Variants in GALNT2 observed in about 807,000 individuals in gnomAD.
The protein encoded by GALNT2 is UDP-GalNAc:polypeptide N-acetylgalactosaminyltransferase 2.
In GALNT2, 31 loss-of-function variants were observed where a neutral mutation model predicts 81.4. The observed-to-expected ratio is 0.38, with a 90% confidence interval of 0.29 to 0.51. The LOEUF (loss-of-function observed/expected upper bound fraction) is 0.51, where lower values mean the gene tolerates loss of function less well. Ranked by LOEUF, GALNT2 falls within the 20% of genes least tolerant of loss-of-function variation. GALNT2 has a pLI of 0.87. For missense variants in GALNT2, 629 were observed against 765.7 expected (o/e 0.82, Z 2.11); for synonymous variants, 303 against 287.4 (o/e 1.05, Z -0.55).
chr1:230,275,847 G>A lies in GALNT2; in HGVS notation c.1560+1283G>A, dbSNP rs1463453102. 2.7e-5 allele frequency among the ~76,000 whole-genome samples: 4 copies of A among 146,008 alleles called. No homozygotes were observed. The highest frequency in any genetic ancestry group is 6.0e-5 in the Non-Finnish European group (4 of 66,816). ...GCCACATATATACATGTATATACAT[G>A]CCACATAGATATACATATATAAATG... On this transcript the variant is annotated intron_variant, in intron 15 of 15. Transcript: ENST00000366672. This position sits in a 1 kb window ranked among gnomAD's most constrained non-coding sequence, Gnocchi z 5.5.
At chr1:230,236,188 T>C in intron 4 of GALNT2, 76 bp downstream of exon 4, 1 of 1,479,082 alleles carries the variant, frequency 6.8e-7, no homozygotes. Flanking sequence ...AGACCAGGGC[T>C]GTCAGTGGGG....
intron 2 of GALNT2, among the ~76,000 whole-genome samples, chr1:230,184,189 A>G (rs1012745734): frequency 7.9e-5 from 11 of 138,670 alleles, no homozygotes; most frequent in Non-Finnish European, 1.5e-4. Context: ...TTGAAGATCA[A>G]TCTTTTTTTT....
intron 1 of GALNT2, among the ~76,000 whole-genome samples, chr1:230,080,009 G>A (rs909126664): frequency 6.6e-6 from 1 of 152,184 alleles, no homozygotes; most frequent in Admixed American, 6.5e-5. Context: ...AGGGATAGAG[G>A]TAAAGTTTCC....
chr1:230,081,449 G>A (rs1434737654), intron 1 of GALNT2, among the ~76,000 whole-genome samples: 2 of 152,028 alleles, frequency 1.3e-5, no homozygotes, highest in Non-Finnish European at 2.9e-5. Context: ...TTGGCAATTG[G>A]ATTTTTCAAC....
chr1:230,174,810 C>T (rs1009277185), intron 1 of GALNT2, among the ~76,000 whole-genome samples: 24 of 152,270 alleles, frequency 1.6e-4, no homozygotes, highest in Admixed American at 1.2e-3. Context: ...ACTATCCTGC[C>T]GCTTCCGTGC....
Position 230,197,994 on chromosome 1 carries a change from G to A in GALNT2, c.221-5143G>A, listed in dbSNP as rs1012881897. Among the ~76,000 whole-genome samples, 9 of 152,204 alleles carry A rather than the reference G, an allele frequency of 5.9e-5. 1 individual carries two copies. Among genetic ancestry groups the A allele is most frequent in the African/African-American group, 2.2e-4 (9 of 41,452 alleles). The stretch of plus-strand genomic sequence containing the variant: ...AAATGCCTGCAAACGAGCGAAAGAG[G>A]CGTAGGAGTAAGCGTCCGGCGCAAG... On this transcript the variant is annotated intron_variant, in intron 2 of 15. Transcript: ENST00000366672.
intron 1 of GALNT2, among the ~76,000 whole-genome samples, chr1:230,167,652 T>C (rs1273884276): frequency 1.3e-5 from 2 of 152,178 alleles, no homozygotes; most frequent in African/African-American, 4.8e-5. Context: ...TGCGGGGATA[T>C]TGACATGGAG....
chr1:230,262,092 C>G (rs1281086289), intron 11 of GALNT2: 2 of 152,940 alleles, frequency 1.3e-5, no homozygotes, highest in African/African-American at 4.8e-5. Context: ...GAACTCTTAT[C>G]TTATGTAGTC....
At chr1:230,233,966 G>A (rs1335885078) in intron 3 of GALNT2, among the ~76,000 whole-genome samples, 2 of 152,118 alleles carry the variant, frequency 1.3e-5, no homozygotes, top group Non-Finnish European at 2.9e-5. Context: ...ACAGGGTCTC[G>A]GGGAGGTGGC....
At chr1:230,185,297 TGTGTGC>T (rs1558129439) in intron 2 of GALNT2, among the ~76,000 whole-genome samples, 5 of 108,568 alleles carry the variant, frequency 4.6e-5, no homozygotes, top group Non-Finnish European at 1.0e-4. Context: ...TGTGTGTGTG[TGTGTGC>T]GCGCGTGTGT....
upstream of GALNT2, among the ~76,000 whole-genome samples, chr1:230,063,320 A>T (rs1183222459): frequency 6.6e-6 from 1 of 152,220 alleles, no homozygotes; most frequent in Non-Finnish European, 1.5e-5. Flanking sequence ...AAAAAAAAAA[A>T]AAAAATTTTA....
intron 1 of GALNT2, among the ~76,000 whole-genome samples, chr1:230,130,872 T>C (rs1199193488): frequency 1.3e-5 from 2 of 151,760 alleles, no homozygotes; most frequent in African/African-American, 4.8e-5. Flanking sequence ...GGGGCTTAAA[T>C]GGGAAAGCAC....
At chr1:230,173,497 C>G (rs116372685) in intron 1 of GALNT2, among the ~76,000 whole-genome samples, 221 of 152,330 alleles carry the variant, frequency 1.5e-3, no homozygotes, top group African/African-American at 5.2e-3. Context: ...GGAAACAAAG[C>G]AGAGATGGGT....
intron 1 of GALNT2, among the ~76,000 whole-genome samples, chr1:230,091,026 C>T (rs1048635405): frequency 6.6e-6 from 1 of 152,006 alleles, no homozygotes; most frequent in Non-Finnish European, 1.5e-5. Context: ...AAAGCCAGCA[C>T]TCCTGGGGTG....
intron 1 of GALNT2, among the ~76,000 whole-genome samples, chr1:230,105,778 T>TGGGG (rs1477826308): frequency 3.3e-5 from 5 of 152,162 alleles, no homozygotes; most frequent in Non-Finnish European, 7.4e-5. Context: ...CATGATTATA[T>TGGGG]CCATTATACA....
chr1:230,255,748 T>C (rs145178958), intron 11 of GALNT2, among the ~76,000 whole-genome samples: 2 of 152,252 alleles, frequency 1.3e-5, no homozygotes, highest in East Asian at 3.9e-4. Context: ...TGGACAAATC[T>C]TCATGAGTGT....
chr1:230,067,375 C>T lies in GALNT2; in HGVS notation c.95C>T (p.Ala32Val). 2 of 1,304,706 alleles carry T rather than the reference C, an allele frequency of 1.5e-6. No homozygotes were observed. Among genetic ancestry groups the T allele is most frequent in the Non-Finnish European group, 2.0e-6 (2 of 1,020,146 alleles). The allele number at this position is 1,304,706 out of a possible 1,614,324, so 80.8% of individuals were successfully genotyped here. ...YMYSGGGSAL[A>V]GGAGGGAGRK... ...TACTCGGGGGGCGGCTCTGCGCTGG[C>T]CGGGGGCGCGGGCGGCGGCGCCGGC... is the stretch of plus-strand genomic sequence containing the variant. Residue 32 changes from alanine to valine, a missense_variant, in exon 1 of 16, where the codon GCC (alanine) becomes GTC (valine). Physicochemically the swap from Ala to Val is moderately conservative, Grantham distance 64. This residue lies in a region of GALNT2 where 62 missense variants were observed against 47.3 expected (regional missense o/e 1.31). Transcript: ENST00000366672.
intron 1 of GALNT2, among the ~76,000 whole-genome samples, chr1:230,162,826 TC>T (rs1558117864): frequency 6.6e-6 from 1 of 152,206 alleles, no homozygotes; most frequent in Non-Finnish European, 1.5e-5. Context: ...TTGCTGGGCT[TC>T]CCCACTCGGT....
intron 1 of GALNT2, among the ~76,000 whole-genome samples, chr1:230,133,179 T>C (rs1490147849): frequency 6.6e-6 from 1 of 152,230 alleles, no homozygotes; most frequent in Non-Finnish European, 1.5e-5. Flanking sequence ...TTTTGTAACT[T>C]ATGATGAACC....
Sources: gnomAD v4.1 joint callset for allele counts (sites outside exome capture counted in the v4.1 genomes callset) on GRCh38, gnomAD v4.1.1 for gene constraint, gnomAD v4.1.1 regional missense constraint, Gnocchi (gnomAD v3.1) non-coding constraint, MANE v1.5 for transcripts, NCBI Gene and HGNC (gene_info 2026-07-23, HGNC 2026-07-21) for gene names.